Variants in TSPAN18 observed in about 807,000 individuals in gnomAD.
TSPAN18 encodes tetraspanin 18, also known as tetraspanin-18.
Under a neutral mutation model 27.3 loss-of-function variants are expected in TSPAN18, and 14 were observed. The ratio of observed to expected loss-of-function variants is 0.51; its 90% confidence interval spans 0.34 to 0.80. The LOEUF (loss-of-function observed/expected upper bound fraction) is 0.80, where lower values mean the gene tolerates loss of function less well. Among genes scored for constraint, TSPAN18 ranks in the 30% least tolerant of loss-of-function variants. The probability of loss-of-function intolerance (pLI) is 0.01; values close to 1 mark genes in which losing one functional copy is unlikely to be tolerated. For missense variants in TSPAN18, 268 were observed against 323.9 expected (o/e 0.83, Z 1.32); for synonymous variants, 143 against 136.5 (o/e 1.05, Z -0.33).
Position 44,925,967 on chromosome 11 carries a change from C to T in TSPAN18, c.616-707C>T, listed in dbSNP as rs148802154. 6.2e-4 allele frequency among the ~76,000 whole-genome samples: 95 copies of T among 152,126 alleles called. 2 individuals are homozygous for T. Among genetic ancestry groups the T allele is most frequent in the Admixed American group, 1.7e-3 (26 of 15,264 alleles). Reference sequence around the variant, plus strand: ...TTTTCCTATCTCTATCTATCTATCTCGATCTCGATCTCGATCTCTGTCTCT... The same window carrying T: ...TTTTCCTATCTCTATCTATCTATCTTGATCTCGATCTCGATCTCTGTCTCT... On this transcript the variant is annotated intron_variant, in intron 8 of 9. Coordinates refer to ENST00000520358, the MANE Select transcript of TSPAN18 (RefSeq NM_130783.5).
chr11:44,885,655 A>G (rs77397762), intron 3 of TSPAN18, among the ~76,000 whole-genome samples: 27,998 of 152,126 alleles, frequency 0.18, 3,449 homozygotes, highest in Non-Finnish European at 0.28. Context: ...GAAAGAAAAC[A>G]GGACTCTCTG....
intron 5 of TSPAN18, among the ~76,000 whole-genome samples, chr11:44,913,608 G>T (rs534683686): frequency 1.6e-4 from 24 of 152,326 alleles, no homozygotes; most frequent in African/African-American, 5.8e-4. Context: ...AGATAAATGA[G>T]CTGAATTGTA....
intron 2 of TSPAN18, among the ~76,000 whole-genome samples, chr11:44,770,291 G>C (rs1855662220): frequency 6.6e-6 from 1 of 152,150 alleles, no homozygotes; most frequent in South Asian, 2.1e-4. Context: ...TGGTGGGTTG[G>C]GGGAGGATTG....
intron 2 of TSPAN18, among the ~76,000 whole-genome samples, chr11:44,840,585 A>G (rs1423942593): frequency 6.6e-6 from 1 of 152,212 alleles, no homozygotes; most frequent in Non-Finnish European, 1.5e-5. Context: ...GCTGCCTCCC[A>G]GAGAGGTGAG....
At position 44,851,615 on chromosome 11, in the gene TSPAN18, TC is replaced by T. The variant is rs35373492; in HGVS notation, c.-152-8704del. ...TGTTAGCCCAGGTACTCTTGTCACC[TC>T]CCCCCCCCAACGGCTGGGTCCCTGT... On this transcript the variant is annotated intron_variant, in intron 2 of 9. Coordinates refer to ENST00000520358, the MANE Select transcript of TSPAN18 (RefSeq NM_130783.5). 1.4e-3 allele frequency among the ~76,000 whole-genome samples: 171 copies of T among 122,804 alleles called. 11 individuals carry two copies. The highest frequency in any genetic ancestry group is 4.2e-3 in the Middle Eastern group (1 of 236). The allele number at this position is 122,804 out of a possible 152,430, so 80.6% of individuals were successfully genotyped here.
intron 2 of TSPAN18, among the ~76,000 whole-genome samples, chr11:44,843,989 A>C (rs1038906590): frequency 6.6e-6 from 1 of 152,222 alleles, no homozygotes; most frequent in Admixed American, 6.5e-5. Flanking sequence ...TGACAGGATT[A>C]AGAGATTAAA....
chr11:44,780,877 T>G (rs1470467074), intron 2 of TSPAN18, among the ~76,000 whole-genome samples: 2 of 152,150 alleles, frequency 1.3e-5, no homozygotes, highest in Non-Finnish European at 2.9e-5. Flanking sequence ...GCCCCACAAC[T>G]TGCCAGCTTC....
At chr11:44,803,309 G>A (rs113945526) in intron 2 of TSPAN18, among the ~76,000 whole-genome samples, 3 of 152,064 alleles carry the variant, frequency 2.0e-5, no homozygotes, top group Admixed American at 6.6e-5. Flanking sequence ...GACAGCATTT[G>A]CCAGTGCTTA....
At chr11:44,750,739 C>T (rs1441289392) in intron 1 of TSPAN18, among the ~76,000 whole-genome samples, 5 of 152,178 alleles carry the variant, frequency 3.3e-5, no homozygotes, top group African/African-American at 1.2e-4. Flanking sequence ...GGCTCTATGC[C>T]AGCTGCATGT....
intron 7 of TSPAN18, 182 bp from the exon 8 acceptor site, chr11:44,919,635 A>T: frequency 3.0e-6 from 2 of 665,936 alleles, no homozygotes; most frequent in Non-Finnish European, 5.3e-6. Flanking sequence ...TATAGAGATG[A>T]GGACACTGAA....
At chr11:44,735,948 G>A (rs896568672) in intron 1 of TSPAN18, among the ~76,000 whole-genome samples, 3 of 152,128 alleles carry the variant, frequency 2.0e-5, no homozygotes, top group Admixed American at 6.5e-5. Context: ...TTATATCTGC[G>A]AAGTTCCTGA....
intron 3 of TSPAN18, among the ~76,000 whole-genome samples, chr11:44,869,241 T>C (rs1243907154): frequency 3.3e-5 from 5 of 152,196 alleles, no homozygotes; most frequent in African/African-American, 4.8e-5. Flanking sequence ...CCTGTAGCGA[T>C]GGGGAGCTCA....
At chr11:44,887,205 A>G (rs1217618957) in intron 3 of TSPAN18, among the ~76,000 whole-genome samples, 2 of 152,136 alleles carry the variant, frequency 1.3e-5, no homozygotes, top group Non-Finnish European at 2.9e-5. Context: ...CCATGCCCCA[A>G]CCTCTGATCT....
chr11:44,739,324 GA>G, intron 1 of TSPAN18, among the ~76,000 whole-genome samples: 1 of 152,278 alleles, frequency 6.6e-6, no homozygotes. Flanking sequence ...ACTGCTCTTT[GA>G]AAATAATCAC....
At chr11:44,908,779 G>GGAAAGGA (rs1859572545) in intron 4 of TSPAN18, among the ~76,000 whole-genome samples, 1 of 105,786 alleles carries the variant, frequency 9.5e-6, no homozygotes, top group Non-Finnish European at 1.9e-5. Flanking sequence ...GAGAAAGAAA[G>GGAAAGGA]AAAGAAAGAA....
At chr11:44,776,239 A>G (rs1453774444) in intron 2 of TSPAN18, among the ~76,000 whole-genome samples, 1 of 152,210 alleles carries the variant, frequency 6.6e-6, no homozygotes, top group African/African-American at 2.4e-5. Context: ...TAGTAAGACC[A>G]CTGTATAGAT....
At chr11:44,751,037 C>A (rs1855198651) in intron 1 of TSPAN18, among the ~76,000 whole-genome samples, 1 of 152,114 alleles carries the variant, frequency 6.6e-6, no homozygotes, top group African/African-American at 2.4e-5. Context: ...AGGGAGTGAG[C>A]TGTTAATTAG....
chr11:44,908,751 A>AAAG (rs1564992011), intron 4 of TSPAN18, among the ~76,000 whole-genome samples: 3 of 96,598 alleles, frequency 3.1e-5, no homozygotes, highest in African/African-American at 9.3e-5. Flanking sequence ...AGAAAGAGAG[A>AAAG]GAGAGAGAGA....
intron 1 of TSPAN18, among the ~76,000 whole-genome samples, chr11:44,743,181 G>A (rs1263062095): frequency 6.6e-6 from 1 of 152,156 alleles, no homozygotes; most frequent in Non-Finnish European, 1.5e-5. Context: ...ATGCATCTGG[G>A]CACATACGAA....
Sources: gnomAD v4.1 joint callset for allele counts (sites outside exome capture counted in the v4.1 genomes callset) on GRCh38, gnomAD v4.1.1 for gene constraint, MANE v1.5 for transcripts, NCBI Gene and HGNC (gene_info 2026-07-23, HGNC 2026-07-21) for gene names.